PPP2R5C: variants seen among roughly 807,000 people sequenced by gnomAD.
PPP2R5C encodes the protein serine/threonine-protein phosphatase 2A 56 kDa regulatory subunit gamma isoform.
In PPP2R5C, 7 loss-of-function variants were observed where a neutral mutation model predicts 68.9. The ratio of observed to expected loss-of-function variants is 0.10; its 90% CI spans 0.06 to 0.19. The LOEUF (loss-of-function observed/expected upper bound fraction) is 0.19. Among genes scored for constraint, PPP2R5C ranks in the 10% least tolerant of loss-of-function variants. PPP2R5C has a pLI of 1.00. For missense variants in PPP2R5C, 348 were observed against 641.3 expected (o/e 0.54, Z 4.94); for synonymous variants, 210 against 222.2 (o/e 0.95, Z 0.49).
intron 1 of PPP2R5C, among the ~76,000 whole-genome samples, chr14:101,816,888 TA>T (rs1252591432): frequency 3.8e-5 from 5 of 130,276 alleles, no homozygotes; most frequent in African/African-American, 1.3e-4. Context: ...ATATTATATA[TA>T]TATTATATAA....
At chr14:101,867,214 CA>C (rs796766323) in intron 2 of PPP2R5C, among the ~76,000 whole-genome samples, 375 of 131,446 alleles carry the variant, frequency 2.9e-3, no homozygotes, top group Non-Finnish European at 2.6e-3. Context: ...GAGACTCTGT[CA>C]AAAAAAAAAA....
At chr14:101,905,151 C>G (rs1042960360) in intron 9 of PPP2R5C, among the ~76,000 whole-genome samples, 12 of 152,010 alleles carry the variant, frequency 7.9e-5, no homozygotes, top group African/African-American at 2.9e-4. Flanking sequence ...GTCAGAAGCT[C>G]GAGAGCAGCC....
upstream of PPP2R5C, among the ~76,000 whole-genome samples, chr14:101,806,426 A>C (rs374638850): frequency 6.6e-6 from 1 of 152,206 alleles, no homozygotes; most frequent in South Asian, 2.1e-4. Context: ...ATGTCCCTAC[A>C]AAAGACATGA....
chr14:101,819,177 T>G (rs2039896952), intron 1 of PPP2R5C: 1 of 1,165,888 alleles, frequency 8.6e-7, no homozygotes, highest in Admixed American at 2.1e-5. Context: ...GTTTTGGTTT[T>G]TTTCCCAGCT....
chr14:101,855,392 C>A (rs2042360850), intron 1 of PPP2R5C, among the ~76,000 whole-genome samples: 1 of 152,086 alleles, frequency 6.6e-6, no homozygotes, highest in African/African-American at 2.4e-5. Flanking sequence ...ATTTTAGTAG[C>A]CTTTTCAGAT....
chr14:101,927,696 C>CA (rs2047332462), exon 14 of PPP2R5C: 1 of 152,450 alleles, frequency 6.6e-6, no homozygotes, highest in African/African-American at 2.4e-5. Flanking sequence ...ATATTTTGTA[C>CA]AAAATGTCCT....
intron 1 of PPP2R5C, among the ~76,000 whole-genome samples, chr14:101,817,542 A>AT (rs756068981): frequency 3.3e-5 from 5 of 152,150 alleles, no homozygotes; most frequent in Non-Finnish European, 5.9e-5. Flanking sequence ...GTTTATTGGC[A>AT]TTTTTATTGG....
chr14:101,785,685 A>G (rs1405556727), intron 2 of PPP2R5C, among the ~76,000 whole-genome samples: 2 of 152,220 alleles, frequency 1.3e-5, no homozygotes, highest in African/African-American at 4.8e-5. Flanking sequence ...GTCGCCAAGC[A>G]AGGTCCCATA....
At chr14:101,802,807 A>G (rs2038921538) in intron 3 of PPP2R5C, among the ~76,000 whole-genome samples, 1 of 152,184 alleles carries the variant, frequency 6.6e-6, no homozygotes, top group Admixed American at 6.5e-5. Flanking sequence ...TGTGTGAAAT[A>G]CTTAAATAGA....
In PPP2R5C at chr14:101,781,482, C is replaced by T. The variant is rs554265527; in HGVS notation, c.94-4536C>T. ...CCCGCGTGGGCTCCCGCCGGGCCCT[C>T]CTGCCGCCCCCCAGCCTCCCCGCCC... On this transcript the variant is annotated intron_variant, in intron 2 of 14. Transcript: ENST00000328724. This position sits in a 1 kb window ranked among gnomAD's most constrained non-coding sequence, Gnocchi z 6.4. 1.6e-3 allele frequency among the ~76,000 whole-genome samples: 237 copies of T among 151,528 alleles called. 2 individuals are homozygous for T. The highest frequency in any genetic ancestry group is 5.4e-3 in the African/African-American group (223 of 41,362).
At chr14:101,853,747 T>G (rs900367832) in intron 1 of PPP2R5C, among the ~76,000 whole-genome samples, 2 of 152,144 alleles carry the variant, frequency 1.3e-5, no homozygotes, top group Admixed American at 6.5e-5. Flanking sequence ...ACCTGTGTCC[T>G]CGCCTCTAGA....
intron 1 of PPP2R5C, among the ~76,000 whole-genome samples, chr14:101,840,544 C>G (rs890065424): frequency 6.0e-5 from 8 of 134,046 alleles, no homozygotes; most frequent in African/African-American, 2.0e-4. Flanking sequence ...ACCTATCAAA[C>G]TTTAAGGATA....
In PPP2R5C at chr14:101,879,356, G is replaced by A. The variant is rs2749907; in HGVS notation, c.295-2805G>A. 0.35 allele frequency: 53,431 copies of A among 152,604 alleles called. 12,115 individuals are homozygous for A. Among genetic ancestry groups the A allele is most frequent in the African/African-American group, 0.65 (27,063 of 41,510 alleles). The allele number at this position is 152,604 out of a possible 1,614,324, so 9.5% of individuals were successfully genotyped here. A position where few individuals can be genotyped will look rare whatever the true frequency, so the allele number is the denominator to read the frequency against. On this transcript the variant is annotated intron_variant, in intron 2 of 13. Coordinates refer to ENST00000334743, the Ensembl canonical transcript of PPP2R5C. This position sits in a 1 kb window ranked among gnomAD's most constrained non-coding sequence, Gnocchi z 4.2. ...CCTCTCCCCCAAGACCTACAGCCTCGTCTCTGGGTGAGCTGACCCCTCTCT... is the reference window on the plus strand; with the variant it reads ...CCTCTCCCCCAAGACCTACAGCCTCATCTCTGGGTGAGCTGACCCCTCTCT...
In PPP2R5C at chr14:101,847,900, A is replaced by C. The variant is rs576153057; in HGVS notation, c.95-8786A>C. On this transcript the variant is annotated intron_variant, in intron 1 of 13. Coordinates refer to ENST00000334743, the Ensembl canonical transcript of PPP2R5C. Reference sequence around the variant, plus strand: ...ATGGTCTCAATCTCTTGACTTCATGATCTGCCCTCCTCGGCCTTCCAAAGT... The same window carrying C: ...ATGGTCTCAATCTCTTGACTTCATGCTCTGCCCTCCTCGGCCTTCCAAAGT... Among the ~76,000 whole-genome samples, 579 of 152,094 alleles carry C rather than the reference A, an allele frequency of 3.8e-3. 5 individuals are homozygous for C. The highest frequency in any genetic ancestry group is 0.013 in the African/African-American group (549 of 41,500).
chr14:101,799,278 C>A (rs2038755270), intron 3 of PPP2R5C, among the ~76,000 whole-genome samples: 1 of 152,124 alleles, frequency 6.6e-6, no homozygotes, highest in Non-Finnish European at 1.5e-5. Context: ...GGGACAATGC[C>A]CACTGCTTCC....
chr14:101,846,725 G>A (rs1473709857), intron 1 of PPP2R5C, among the ~76,000 whole-genome samples: 1 of 152,206 alleles, frequency 6.6e-6, no homozygotes, highest in Non-Finnish European at 1.5e-5. Flanking sequence ...TGTCGGGTTT[G>A]CCTGGAAGAG....
In PPP2R5C at chr14:101,877,541, G is replaced by A. The variant is rs1240618306; in HGVS notation, c.295-4620G>A. ...GATGTCTTCTCTGTTTCCTCAGACC[G>A]GATCCATGCATCCAGGTAGCATGGC... On this transcript the variant is annotated intron_variant, in intron 2 of 13. Transcript: ENST00000334743. The surrounding 1 kb of genome is among the most constrained non-coding windows in gnomAD (Gnocchi z 4.2). Among the ~76,000 whole-genome samples the A allele has an allele frequency of 1.3e-5, 2 of 152,024 alleles. No homozygotes were observed. The highest frequency in any genetic ancestry group is 1.9e-4 in the East Asian group (1 of 5,178).
intron 2 of PPP2R5C, among the ~76,000 whole-genome samples, chr14:101,767,520 G>T (rs2036919739): frequency 1.4e-5 from 1 of 69,146 alleles, no homozygotes; most frequent in African/African-American, 6.3e-5. Flanking sequence ...TCTGAGCTTG[G>T]GGCTTTCGCT....
intron 13 of PPP2R5C, among the ~76,000 whole-genome samples, chr14:101,919,671 A>G (rs1455255638): frequency 2.0e-5 from 3 of 152,174 alleles, no homozygotes; most frequent in African/African-American, 7.2e-5. Flanking sequence ...ATACACAGTT[A>G]AAAAGCCAAT....
Sources: allele counts gnomAD v4.1 joint callset (sites outside exome capture counted in the v4.1 genomes callset), GRCh38; gene constraint gnomAD v4.1.1; non-coding constraint Gnocchi (gnomAD v3.1); transcripts MANE v1.5; gene names NCBI Gene and HGNC (gene_info 2026-07-23, HGNC 2026-07-21).